PSG4: variants seen among roughly 807,000 people sequenced by gnomAD.
PSG4 encodes the protein pregnancy-specific beta-1-glycoprotein 4.
Under a neutral mutation model 44.3 loss-of-function variants are expected in PSG4, and 61 were observed. The ratio of observed to expected loss-of-function variants is 1.38; its 90% CI spans 1.12 to 1.70. The LOEUF (loss-of-function observed/expected upper bound fraction) is 1.70. PSG4 is among the 40% of genes most tolerant of loss of function. The pLI is 0.00. For missense variants in PSG4, 677 were observed against 511.7 expected (o/e 1.32, Z -3.12); for synonymous variants, 248 against 191.3 (o/e 1.30, Z -2.45).
At position 43,194,877 on chromosome 19, in the gene PSG4, C is replaced by T. The variant is rs552670688; in HGVS notation, c.988+118G>A. 33 of 1,535,876 alleles carry T rather than the reference C, an allele frequency of 2.1e-5. 1 individual carries two copies. Among genetic ancestry groups the T allele is most frequent in the East Asian group, 4.5e-5 (2 of 44,454 alleles). On this transcript the variant is annotated intron_variant, in intron 4 of 5. Coordinates refer to ENST00000405312, the MANE Select transcript of PSG4 (RefSeq NM_002780.5). ...CCAGGGCAGGGAGTCATGGCCACCT[C>T]GGATGTCCAGAAGTAAAGGTGTCTA...
chr19:43,204,405 G>T, intron 1 of PSG4, 154 bp from the exon 2 acceptor site: 1 of 1,060,536 alleles, frequency 9.4e-7, no homozygotes, highest in South Asian at 1.7e-5. Context: ...GAGTGTATGT[G>T]TGTGTGTCCT....
rs1465058230 is a variant in PSG4, at chr19:43,202,649, A to C, written c.430+1237T>G. On this transcript the variant is annotated intron_variant, in intron 2 of 5. Transcript: ENST00000405312. The stretch of plus-strand genomic sequence containing the variant: ...ATCTTCTCATGACAGTGACATGGGC[A>C]CTTTGGGAAACACAGGATTTCAAGT... Among the ~76,000 whole-genome samples, 2 of 144,340 alleles carry C rather than the reference A, an allele frequency of 1.4e-5. 1 individual carries two copies. The highest frequency in any genetic ancestry group is 4.8e-4 in the East Asian group (2 of 4,190). The allele number at this position is 144,340 out of a possible 152,430, so 94.7% of individuals were successfully genotyped here.
At chr19:43,197,474 T>C (rs1236294740) in intron 3 of PSG4, among the ~76,000 whole-genome samples, 2 of 144,250 alleles carry the variant, frequency 1.4e-5, no homozygotes, top group Admixed American at 6.9e-5. Flanking sequence ...TGCTGGAACT[T>C]CCCATCAATC....
chr19:43,202,359 G>A (rs1967553684), intron 2 of PSG4, among the ~76,000 whole-genome samples: 1 of 144,328 alleles, frequency 6.9e-6, no homozygotes, highest in South Asian at 2.2e-4. Context: ...GAGCTTCAGA[G>A]TTACATGAGG....
Position 43,204,146 on chromosome 19 carries a change from T to C in PSG4, c.170A>G (p.Asn57Ser), listed in dbSNP as rs142494740. Residue 57 changes from asparagine (N) to serine (S), a missense_variant, in exon 2 of 6, where the codon AAT becomes AGT. Asn to Ser is a conservative substitution (Grantham distance 46, BLOSUM62 1). Coordinates refer to ENST00000405312, the MANE Select transcript of PSG4 (RefSeq NM_002780.5). Reference sequence around the variant, plus strand: ...GTAGCCAGCAAGATTCTGGGGCAAATTGTGGACAAGTAGAAGAACATCCTT... The same window carrying C: ...GTAGCCAGCAAGATTCTGGGGCAAACTGTGGACAAGTAGAAGAACATCCTT... ...EGKDVLLLVH[N>S]LPQNLAGYIW... 1.7e-5 allele frequency: 27 copies of C among 1,587,086 alleles called. No homozygotes were observed. Among genetic ancestry groups the C allele is most frequent in the Non-Finnish European group, 2.0e-5 (24 of 1,171,644 alleles).
Position 43,205,528 on chromosome 19 carries a change from G to C in PSG4, c.9C>G (p.Pro3=). Residue 3 remains proline (P), a synonymous_variant, in exon 1 of 6, where the codon CCC becomes CCG. Transcript: ENST00000405312. MG[P]LSAPPCTQRI... ...GCTGTGTGCAGGGAGGGGCTGAGAGGGGCCCCATGGTCTCTGCTGCTTGTG... is the reference window on the plus strand; with the variant it reads ...GCTGTGTGCAGGGAGGGGCTGAGAGCGGCCCCATGGTCTCTGCTGCTTGTG... 6.4e-7 allele frequency: 1 copy of C among 1,554,992 alleles called. No homozygotes were observed. Among genetic ancestry groups the C allele is most frequent in the Non-Finnish European group, 8.7e-7 (1 of 1,150,280 alleles).
chr19:43,195,324 C>T, intron 3 of PSG4, 51 bp from the exon 4 acceptor site: 1 of 1,592,932 alleles, frequency 6.3e-7, no homozygotes, highest in Non-Finnish European at 8.6e-7. Flanking sequence ...TTTGATTCCT[C>T]CACAGGCATA....
rs1213719465 is a variant in PSG4 at position 43,198,042 on chromosome 19, G to C, written c.664C>G (p.Pro222Ala). ...AGPYECEIRN[P>A]VSASRSDPVT... ...GGGTCACTGCGGCTGGCACTCACTGGGTTCCGTATTTCACATTCATAGGGT... is the reference window on the plus strand; with the variant it reads ...GGGTCACTGCGGCTGGCACTCACTGCGTTCCGTATTTCACATTCATAGGGT... The change falls in exon 3 of 6, where the codon CCA becomes GCA. Residue 222 changes from proline (P) to alanine (A), a missense_variant. Physicochemically the swap from Pro to Ala is conservative, Grantham distance 27. Transcript: ENST00000405312. 1 of 1,587,590 alleles carries C rather than the reference G, an allele frequency of 6.3e-7. No individual in the cohort carries two copies.
intron 2 of PSG4, 141 bp from the exon 3 acceptor site, chr19:43,198,416 C>G: frequency 7.2e-7 from 1 of 1,380,714 alleles, no homozygotes; most frequent in Non-Finnish European, 9.6e-7. Flanking sequence ...GTGTTAAAGA[C>G]AGATGCATGG....
At chr19:43,194,199 G>T (rs1819120731) in intron 5 of PSG4, 141 bp downstream of exon 5, 3 of 1,558,364 alleles carry the variant, frequency 1.9e-6, no homozygotes, top group South Asian at 2.5e-5. Flanking sequence ...GACAAATTGG[G>T]AGTGTTCAGG....
rs906490975 is a variant in PSG4, at chr19:43,199,465, G to A, written c.431-1190C>T. On this transcript the variant is annotated intron_variant, in intron 2 of 5. Coordinates refer to ENST00000405312, the MANE Select transcript of PSG4 (RefSeq NM_002780.5). ...AGAAAGGTTAAAACAAAGTGTTTTC[G>A]ATTTCTAATTTTTTTATTTTGGAAT... 1.8e-4 allele frequency among the ~76,000 whole-genome samples: 26 copies of A among 145,466 alleles called. 4 individuals are homozygous for A. The highest frequency in any genetic ancestry group is 6.3e-4 in the African/African-American group (24 of 37,960).
chr19:43,201,964 A>G (rs368414964), intron 2 of PSG4, among the ~76,000 whole-genome samples: 2,982 of 142,860 alleles, frequency 0.021, 303 homozygotes, highest in African/African-American at 0.062. Context: ...GGAATACAGT[A>G]GAAGCTCATT....
intron 3 of PSG4, among the ~76,000 whole-genome samples, chr19:43,196,166 G>A (rs1223357013): frequency 2.6e-5 from 4 of 151,660 alleles, no homozygotes; most frequent in African/African-American, 7.3e-5. Flanking sequence ...TGTGTTTGAT[G>A]GATATGAGAC....
rs764695712 is a variant in PSG4, at chr19:43,205,515, G to C, written c.22C>G (p.Pro8Ala). Residue 8 changes from proline (P) to alanine (A), a missense_variant, in exon 1 of 6, where the codon CCC (proline) becomes GCC (alanine). Coordinates refer to ENST00000405312, the MANE Select transcript of PSG4 (RefSeq NM_002780.5). MGPLSAP[P>A]CTQRITWKGV... ...TTCCAGGTGATGCGCTGTGTGCAGG[G>C]AGGGGCTGAGAGGGGCCCCATGGTC... 3 of 1,553,982 alleles carry C rather than the reference G, an allele frequency of 1.9e-6. No homozygotes were observed. The highest frequency in any genetic ancestry group is 2.6e-6 in the Non-Finnish European group (3 of 1,149,354).
chr19:43,199,550 C>T (rs1027850620), intron 2 of PSG4, among the ~76,000 whole-genome samples: 2 of 145,458 alleles, frequency 1.4e-5, no homozygotes, highest in African/African-American at 2.6e-5. Context: ...ATCCACAATG[C>T]GCCAGTGAGC....
Position 43,194,488 on chromosome 19 carries a change from A to C in PSG4, c.1095T>G (p.Ser365=), listed in dbSNP as rs1967144350. The change falls in exon 5 of 6, where the codon TCT becomes TCG. Residue 365 remains serine, a synonymous_variant. Coordinates refer to ENST00000405312, the MANE Select transcript of PSG4 (RefSeq NM_002780.5). ...GCTGAAACTTCCCATTAATTGTCCA[A>C]GAATATTGTGCCCGTGGGTTAGACT... ...FAESNPRAQY[S]WTINGKFQLS... is the part of the protein sequence containing the mutation. 1 of 1,612,394 alleles carries C rather than the reference A, an allele frequency of 6.2e-7. No homozygotes were observed. Among genetic ancestry groups the C allele is most frequent in the South Asian group, 1.1e-5 (1 of 91,024 alleles).
At chr19:43,199,639 T>C (rs1188686233) in intron 2 of PSG4, among the ~76,000 whole-genome samples, 1 of 145,100 alleles carries the variant, frequency 6.9e-6, no homozygotes. Context: ...GGATTTGGGA[T>C]GCTCAATTTG....
intron 2 of PSG4, chr19:43,203,195 ATCT>A (rs1214036695): frequency 6.8e-6 from 1 of 146,700 alleles, no homozygotes; most frequent in African/African-American, 2.6e-5. Context: ...TACCAGGTAC[ATCT>A]TCTCCTTCTG....
chr19:43,205,489 C>T lies in PSG4; in HGVS notation c.48G>A (p.Lys16=), dbSNP rs141341656. ...TCTCCTCACCTGTGAGCAGGACCCC[C>T]TTCCAGGTGATGCGCTGTGTGCAGG... is the stretch of plus-strand genomic sequence containing the variant. The part of the protein sequence containing the change: ...APPCTQRITW[K]GVLLTASLLN... The change falls in exon 1 of 6, where the codon AAG becomes AAA. Residue 16 remains lysine, a synonymous_variant. Coordinates refer to ENST00000405312, the MANE Select transcript of PSG4 (RefSeq NM_002780.5). 4.4e-4 allele frequency: 679 copies of T among 1,552,038 alleles called. 45 individuals carry two copies. The highest frequency in any genetic ancestry group is 5.2e-4 in the Non-Finnish European group (598 of 1,146,622).
Sources: gnomAD v4.1 joint callset for allele counts (sites outside exome capture counted in the v4.1 genomes callset) on GRCh38, gnomAD v4.1.1 for gene constraint, MANE v1.5 for transcripts, NCBI Gene and HGNC (gene_info 2026-07-23, HGNC 2026-07-21) for gene names.